CCDC73: variants seen among roughly 807,000 people sequenced by gnomAD.
CCDC73 encodes the protein coiled-coil domain containing 73.
In CCDC73, 95 loss-of-function variants were observed where a neutral mutation model predicts 116.5. That is an observed-to-expected ratio of 0.82 (90% CI 0.69 to 0.97). The LOEUF (loss-of-function observed/expected upper bound fraction) is 0.97, where lower values mean the gene tolerates loss of function less well. Ranked by LOEUF, CCDC73 falls within the 50% of genes least tolerant of loss-of-function variation. The probability of loss-of-function intolerance (pLI) is 0.00; values close to 1 mark genes in which losing one functional copy is unlikely to be tolerated. For synonymous variants in CCDC73, 398 were observed against 401.3 expected, an observed-to-expected ratio of 0.99 and a Z score of 0.10; for missense variants, 1,066 against 1,206.8, an observed-to-expected ratio of 0.88 and a Z score of 1.73.
the CCDC73 span, among the ~76,000 whole-genome samples, chr11:32,812,597 A>T: frequency 6.7e-6 from 1 of 150,252 alleles, no homozygotes; most frequent in Non-Finnish European, 1.5e-5. Flanking sequence ...TGAACCCAGG[A>T]GGCGGAGGTT....
In CCDC73 at chr11:32,616,108, C is replaced by A; in HGVS notation, c.1207G>T (p.Glu403Ter). The A allele has an allele frequency of 1.3e-6, 2 of 1,576,496 alleles. No homozygotes were observed. ...KFQNVPEVNN[E>*]NSEMSTEKSE... ...TTTTCAGTTGACATTTCACTGTTTTCATTATTTACTTCTGGAACATTCTAG... is the reference window on the plus strand; with the variant it reads ...TTTTCAGTTGACATTTCACTGTTTTAATTATTTACTTCTGGAACATTCTAG... The change falls in exon 15 of 18, where the codon GAA becomes TAA. Residue 403 changes from glutamate (E) to a stop codon, truncating the protein, a stop_gained. Coordinates refer to ENST00000335185, the MANE Select transcript of CCDC73 (RefSeq NM_001008391.4). LOFTEE classifies it high-confidence loss of function.
At chr11:32,828,340 C>T in the CCDC73 span, among the ~76,000 whole-genome samples, 5 of 151,872 alleles carry the variant, frequency 3.3e-5, no homozygotes, top group Non-Finnish European at 7.4e-5. Context: ...GAAAACCCCT[C>T]TCTCCTAAAT....
At chr11:32,796,194 T>A (rs536382864), upstream of CCDC73, among the ~76,000 whole-genome samples, 49 of 152,184 alleles carry the variant, frequency 3.2e-4, no homozygotes, top group Non-Finnish European at 7.2e-4. Context: ...TCTCGTCTGG[T>A]ATATTTATTA....
intron 14 of CCDC73, among the ~76,000 whole-genome samples, chr11:32,618,905 T>C (rs1488801906): frequency 6.6e-6 from 1 of 152,304 alleles, no homozygotes; most frequent in East Asian, 1.9e-4. Context: ...CTCTTTGTGG[T>C]GTTGATTTGC....
At chr11:32,806,498 C>T in the CCDC73 span, among the ~76,000 whole-genome samples, 1 of 151,990 alleles carries the variant, frequency 6.6e-6, no homozygotes, top group Non-Finnish European at 1.5e-5. Context: ...GTGGTGCACA[C>T]TTGTAGTCCC....
chr11:32,691,686 A>G (rs961170627), intron 6 of CCDC73, among the ~76,000 whole-genome samples: 2 of 152,110 alleles, frequency 1.3e-5, no homozygotes, highest in Non-Finnish European at 2.9e-5. Flanking sequence ...GCCACAGAGT[A>G]GCTAAAGTTT....
chr11:32,720,556 G>GA (rs1468175671), intron 2 of CCDC73, among the ~76,000 whole-genome samples: 30 of 151,752 alleles, frequency 2.0e-4, no homozygotes, highest in African/African-American at 7.0e-4. Context: ...TAAACAGATT[G>GA]GAAAGGAAAA....
the CCDC73 span, among the ~76,000 whole-genome samples, chr11:32,802,530 G>A: frequency 6.6e-6 from 1 of 152,146 alleles, no homozygotes; most frequent in Non-Finnish European, 1.5e-5. Context: ...AAATATAAAA[G>A]CAAGTTACAA....
At chr11:32,629,344 G>A (rs1855606232) in intron 14 of CCDC73, among the ~76,000 whole-genome samples, 1 of 151,274 alleles carries the variant, frequency 6.6e-6, no homozygotes, top group South Asian at 2.1e-4. Flanking sequence ...ACCATACCAA[G>A]GTACATCATA....
chr11:32,698,011 A>ATT (rs869153507), intron 6 of CCDC73, among the ~76,000 whole-genome samples: 319 of 18,832 alleles, frequency 0.017, 16 homozygotes, highest in African/African-American at 0.04. Context: ...CTAACACTGA[A>ATT]TTTTTTTTTT....
intron 2 of CCDC73, among the ~76,000 whole-genome samples, chr11:32,751,545 T>C (rs971451063): frequency 1.3e-5 from 2 of 152,214 alleles, no homozygotes; most frequent in South Asian, 2.1e-4. Flanking sequence ...GCACCCGCCA[T>C]AGACACCGGC....
At chr11:32,690,092 A>G (rs1156532301) in intron 6 of CCDC73, among the ~76,000 whole-genome samples, 2 of 152,178 alleles carry the variant, frequency 1.3e-5, no homozygotes, top group East Asian at 1.9e-4. Flanking sequence ...GATTCAAAAT[A>G]TATCTTCTTA....
At chr11:32,737,667 CA>C (rs1020130753) in intron 2 of CCDC73, among the ~76,000 whole-genome samples, 2 of 151,792 alleles carry the variant, frequency 1.3e-5, no homozygotes, top group Non-Finnish European at 2.9e-5. Flanking sequence ...TCCATCACCT[CA>C]AGCATTTATC....
rs763604443 is a variant in CCDC73 at position 32,614,256 on chromosome 11, C to G, written c.2062G>C (p.Val688Leu). 1 of 1,613,750 alleles carries G rather than the reference C, an allele frequency of 6.2e-7. No homozygotes were observed. Among genetic ancestry groups the G allele is most frequent in the East Asian group, 2.2e-5 (1 of 44,830 alleles). The part of the protein sequence containing the change: ...LSKQTSDFLQ[V>L]CNDTLEKSEL... Reference sequence around the variant, plus strand: ...GATTTCTCTAAAGTATCATTACAGACTTGCAGAAAATCTGAAGTTTGTTTA... The same window carrying G: ...GATTTCTCTAAAGTATCATTACAGAGTTGCAGAAAATCTGAAGTTTGTTTA... The change falls in exon 16 of 18, where the codon GTC becomes CTC. Residue 688 changes from valine (V) to leucine (L), a missense_variant. Physicochemically the swap from Val to Leu is conservative, Grantham distance 32. Transcript: ENST00000335185.
chr11:32,626,905 T>C (rs935429464), intron 14 of CCDC73, among the ~76,000 whole-genome samples: 3 of 152,202 alleles, frequency 2.0e-5, no homozygotes, highest in Admixed American at 6.5e-5. Flanking sequence ...ATTCAGGACA[T>C]AGGCATGGGC....
In CCDC73 at chr11:32,637,017, C is replaced by CTTTTTTT. The variant is rs71063750; in HGVS notation, c.1051-1194_1051-1188dup. 2.2e-3 allele frequency among the ~76,000 whole-genome samples: 194 copies of CTTTTTTT among 87,908 alleles called. 1 individual carries two copies. Among genetic ancestry groups the CTTTTTTT allele is most frequent in the African/African-American group, 4.9e-3 (125 of 25,306 alleles). The allele number at this position is 87,908 out of a possible 152,430, so 57.7% of individuals were successfully genotyped here. A position where few individuals can be genotyped will look rare whatever the true frequency, so the allele number is the denominator to read the frequency against. On this transcript the variant is annotated intron_variant, in intron 13 of 17. Transcript: ENST00000335185. ...TCTGTCTGTTTCACTTTTTCTTTTT[C>CTTTTTTT]TTTTTTTTTTTTTTTTTTTTGAGAA...
intron 1 of CCDC73, among the ~76,000 whole-genome samples, chr11:32,789,596 C>T (rs1314148795): frequency 1.3e-5 from 2 of 149,578 alleles, no homozygotes. Flanking sequence ...CATAGTGAGA[C>T]CCACATCTCT....
chr11:32,617,850 C>T lies in CCDC73; in HGVS notation c.1186-1721G>A, dbSNP rs181010869. ...CATTAAAGTGGCAATATCTAATGAA[C>T]CTGTATTTATTTATTACTTTTGTCT... On this transcript the variant is annotated intron_variant, in intron 14 of 17. Coordinates refer to ENST00000335185, the MANE Select transcript of CCDC73 (RefSeq NM_001008391.4). Among the ~76,000 whole-genome samples, 7 of 152,234 alleles carry T rather than the reference C, an allele frequency of 4.6e-5. No individual in the cohort carries two copies. In the East Asian group the frequency reaches 1.3e-3, roughly 29 times the overall value.
At chr11:32,676,153 T>C (rs1009047656) in intron 7 of CCDC73, 132 bp from the exon 8 acceptor site, 5 of 618,380 alleles carry the variant, frequency 8.1e-6, no homozygotes, top group Non-Finnish European at 9.8e-6. Context: ...CATTTAAAAG[T>C]ACTCTCTGAG....
Sources: allele counts gnomAD v4.1 joint callset (sites outside exome capture counted in the v4.1 genomes callset), GRCh38; gene constraint gnomAD v4.1.1; transcripts MANE v1.5; gene names NCBI Gene and HGNC (gene_info 2026-07-23, HGNC 2026-07-21).